Variants in FBXW10 observed in about 807,000 individuals in gnomAD.
FBXW10 encodes the protein F-box/WD repeat-containing protein 10.
A neutral mutation model predicts 113.1 loss-of-function variants in FBXW10; 68 were observed. The ratio of observed to expected loss-of-function variants is 0.60; its 90% confidence interval spans 0.49 to 0.74. The LOEUF is 0.74. Among genes scored for constraint, FBXW10 ranks in the 30% least tolerant of loss-of-function variants. FBXW10 has a pLI of 0.00. For missense variants in FBXW10, 753 were observed against 1,284.5 expected, an observed-to-expected ratio of 0.59 and a Z score of 6.32; for synonymous variants, 289 against 481.6, an observed-to-expected ratio of 0.60 and a Z score of 5.24.
chr17:18,758,905 C>T (rs1250286112), intron 7 of FBXW10, among the ~76,000 whole-genome samples: 4 of 151,996 alleles, frequency 2.6e-5, no homozygotes, highest in East Asian at 3.9e-4. Flanking sequence ...CGGTGGCTCA[C>T]GCCTGTAATC....
rs1337512143 is a variant in FBXW10, at chr17:18,772,584, A to G, written c.2179A>G (p.Arg727Gly). The G allele has an allele frequency of 1.2e-6, 2 of 1,613,862 alleles. No homozygotes were observed. The highest frequency in any genetic ancestry group is 3.3e-5 in the Admixed American group (2 of 60,022). ...SKCNIQVHSP[R>G]ESVSSKQTVI... ...GTGTAATATTCAGGTTCACAGCCCAAGAGAGTCTGTATCCAGTAAACAAAC... is the reference window on the plus strand; with the variant it reads ...GTGTAATATTCAGGTTCACAGCCCAGGAGAGTCTGTATCCAGTAAACAAAC... The change falls in exon 12 of 14, where the codon AGA (arginine) becomes GGA (glycine). Residue 727 changes from arginine (R) to glycine (G), a missense_variant. Physicochemically the swap from Arg to Gly is moderately radical, Grantham distance 125. Transcript: ENST00000395665.
At position 18,775,182 on chromosome 17, in the gene FBXW10, C is replaced by T. The variant is rs1319258703; in HGVS notation, c.2325C>T (p.Pro775=). The T allele has an allele frequency of 6.2e-7, 1 of 1,604,954 alleles. No homozygotes were observed. Among genetic ancestry groups the T allele is most frequent in the East Asian group, 2.2e-5 (1 of 44,848 alleles). Residue 775 remains proline (P), a synonymous_variant, in exon 13 of 14, where the codon CCC becomes CCT. Transcript: ENST00000395665. ...AAAGTCAAGGAAAGTCAAAATCACCCCGAAGAGATGGTAAGAAGAGAGTTT... is the reference window on the plus strand; with the variant it reads ...AAAGTCAAGGAAAGTCAAAATCACCTCGAAGAGATGGTAAGAAGAGAGTTT... The part of the protein sequence containing the change: ...ELQSQGKSKS[P]RRDADDVEKA...
At chr17:18,757,966 T>A (rs1256528996) in intron 6 of FBXW10, among the ~76,000 whole-genome samples, 1 of 152,238 alleles carries the variant, frequency 6.6e-6, no homozygotes, top group Non-Finnish European at 1.5e-5. Flanking sequence ...CCTCTGACGT[T>A]TTCCAAGAAA....
intron 13 of FBXW10, among the ~76,000 whole-genome samples, chr17:18,777,006 C>T (rs1327729093): frequency 6.7e-6 from 1 of 149,902 alleles, no homozygotes; most frequent in Non-Finnish European, 1.5e-5. Flanking sequence ...GAGAAAAATT[C>T]TCTTTTTGAG....
intron 5 of FBXW10, among the ~76,000 whole-genome samples, chr17:18,754,091 G>T (rs1185768575): frequency 1.3e-5 from 2 of 152,048 alleles, no homozygotes; most frequent in Non-Finnish European, 2.9e-5. Flanking sequence ...TTTCACCATA[G>T]ATCGAGGAGG....
chr17:18,755,551 T>C (rs1176306075), intron 5 of FBXW10, among the ~76,000 whole-genome samples: 1 of 46,072 alleles, frequency 2.2e-5, no homozygotes, highest in Non-Finnish European at 5.2e-5. Flanking sequence ...CGAGACTCCG[T>C]CTGAAAAAAA....
At chr17:18,769,786 A>C (rs2035573386) in intron 10 of FBXW10, 141 bp from the exon 11 acceptor site, 1 of 999,976 alleles carries the variant, frequency 1.0e-6, no homozygotes, top group South Asian at 1.8e-5. Flanking sequence ...TCAAAAAAAA[A>C]AAAAAAAAGA....
chr17:18,765,208 G>T (rs538884850), intron 8 of FBXW10, among the ~76,000 whole-genome samples: 7 of 152,214 alleles, frequency 4.6e-5, no homozygotes, highest in African/African-American at 1.2e-4. Context: ...AATATAATAA[G>T]TCCATGAACA....
rs753482544 is a variant in FBXW10, at chr17:18,747,364, G to A, written c.506-577G>A. On this transcript the variant is annotated intron_variant, in intron 1 of 13. Transcript: ENST00000395665. ...TCACCTGGAGTCAGGAGTTCGAGACGAGCCTGGCCAACATGGCGAAACCCC... is the reference window on the plus strand; with the variant it reads ...TCACCTGGAGTCAGGAGTTCGAGACAAGCCTGGCCAACATGGCGAAACCCC... Among the ~76,000 whole-genome samples the A allele has an allele frequency of 5.2e-4, 78 of 150,910 alleles. No individual in the cohort carries two copies. In the Middle Eastern group the frequency reaches 0.017, roughly 33 times the overall value.
intron 7 of FBXW10, among the ~76,000 whole-genome samples, chr17:18,763,378 G>A (rs188368056): frequency 0.027 from 4,061 of 151,878 alleles, 185 homozygotes; most frequent in African/African-American, 0.093. Context: ...GGATGGTCTC[G>A]ATCTCCTGAC....
chr17:18,766,292 A>G (rs1017586133), intron 8 of FBXW10, among the ~76,000 whole-genome samples: 1 of 151,696 alleles, frequency 6.6e-6, no homozygotes, highest in Admixed American at 6.6e-5. Context: ...ACAACACTAC[A>G]TGTATGCCAT....
chr17:18,778,232 G>A (rs964382889), intron 13 of FBXW10, among the ~76,000 whole-genome samples: 6 of 152,198 alleles, frequency 3.9e-5, no homozygotes, highest in African/African-American at 1.2e-4. Context: ...CAGCCTGGGT[G>A]ACAGAGCGAG....
chr17:18,770,859 C>A (rs991504530), intron 11 of FBXW10, among the ~76,000 whole-genome samples: 2 of 152,050 alleles, frequency 1.3e-5, no homozygotes, highest in Non-Finnish European at 2.9e-5. Context: ...AAAACCAGTA[C>A]CATGACTGAC....
At chr17:18,767,427 C>G (rs2035519157) in intron 9 of FBXW10, among the ~76,000 whole-genome samples, 1 of 147,334 alleles carries the variant, frequency 6.8e-6, no homozygotes, top group Non-Finnish European at 1.5e-5. Context: ...TTGCAGTGAG[C>G]CGAGATCATG....
intron 7 of FBXW10, among the ~76,000 whole-genome samples, chr17:18,761,557 G>A (rs934565991): frequency 2.0e-5 from 3 of 152,104 alleles, no homozygotes; most frequent in Non-Finnish European, 4.4e-5. Flanking sequence ...GAGCCACCGC[G>A]CCCGGCCTCA....
At chr17:18,771,373 A>G (rs1323060577) in intron 11 of FBXW10, among the ~76,000 whole-genome samples, 1 of 152,190 alleles carries the variant, frequency 6.6e-6, no homozygotes, top group Non-Finnish European at 1.5e-5. Context: ...TTAAGGGAAG[A>G]GCACAGAAAG....
At chr17:18,777,663 C>T (rs989803181) in intron 13 of FBXW10, among the ~76,000 whole-genome samples, 1 of 151,670 alleles carries the variant, frequency 6.6e-6, no homozygotes, top group Admixed American at 6.6e-5. Context: ...CCTGCCTCAG[C>T]CTCCCGAGTA....
At chr17:18,762,241 C>T (rs760199170) in intron 7 of FBXW10, among the ~76,000 whole-genome samples, 1 of 151,712 alleles carries the variant, frequency 6.6e-6, no homozygotes. Flanking sequence ...GGATTACTGG[C>T]GTGAGCTACT....
At chr17:18,774,010 T>G (rs2035660225) in intron 12 of FBXW10, among the ~76,000 whole-genome samples, 1 of 152,222 alleles carries the variant, frequency 6.6e-6, no homozygotes, top group Non-Finnish European at 1.5e-5. Context: ...GATGTAAGAC[T>G]AGATCGGCTA....
Sources: gnomAD v4.1 joint callset for allele counts (sites outside exome capture counted in the v4.1 genomes callset) on GRCh38, gnomAD v4.1.1 for gene constraint, MANE v1.5 for transcripts, NCBI Gene and HGNC (gene_info 2026-07-23, HGNC 2026-07-21) for gene names.